SHOC2: variants seen among roughly 807,000 people sequenced by gnomAD.
SHOC2 encodes the protein SHOC2 leucine rich repeat scaffold protein.
In SHOC2, 4 loss-of-function variants were observed where a neutral mutation model predicts 50.2. The ratio of observed to expected loss-of-function variants is 0.08; its 90% confidence interval spans 0.04 to 0.18. SHOC2 has a LOEUF of 0.18. SHOC2 is among the 10% of genes least tolerant of loss of function. The pLI is 1.00. For synonymous variants in SHOC2, 218 were observed against 244.5 expected, an observed-to-expected ratio of 0.89 and a Z score of 1.01; for missense variants, 388 against 669.6, an observed-to-expected ratio of 0.58 and a Z score of 4.64.
At chr10:110,937,835 T>G (rs1402660266) in intron 1 of SHOC2, among the ~76,000 whole-genome samples, 1 of 152,218 alleles carries the variant, frequency 6.6e-6, no homozygotes, top group East Asian at 1.9e-4. Flanking sequence ...TAAAAAACAT[T>G]AAGAATGAAA....
chr10:110,924,123 A>C (rs184936675), intron 1 of SHOC2, among the ~76,000 whole-genome samples: 46 of 152,268 alleles, frequency 3.0e-4, no homozygotes, highest in Admixed American at 2.2e-3. Context: ...TTGTTCTATA[A>C]ATATTTCTTA....
intron 1 of SHOC2, among the ~76,000 whole-genome samples, chr10:110,957,532 A>T (rs1220774057): frequency 7.8e-6 from 1 of 128,532 alleles, no homozygotes; most frequent in Non-Finnish European, 1.7e-5. Flanking sequence ...TCATGAAGAT[A>T]CCCCCCCCCC....
At chr10:110,991,252 C>T (rs1159655322) in intron 3 of SHOC2, among the ~76,000 whole-genome samples, 2 of 152,150 alleles carry the variant, frequency 1.3e-5, no homozygotes, top group Admixed American at 6.5e-5. Context: ...ATGATACAGT[C>T]TTCTAGTAAG....
chr10:110,960,359 G>A (rs1847548509), intron 1 of SHOC2, among the ~76,000 whole-genome samples: 2 of 152,178 alleles, frequency 1.3e-5, no homozygotes, highest in Admixed American at 1.3e-4. Context: ...TGACTTAGAA[G>A]CCATTAGAAG....
intron 1 of SHOC2, among the ~76,000 whole-genome samples, chr10:110,929,739 C>G (rs1390138965): frequency 6.6e-6 from 1 of 152,204 alleles, no homozygotes; most frequent in Non-Finnish European, 1.5e-5. Flanking sequence ...GTGACCTCAT[C>G]TAAACCTAAG....
rs777420751 is a variant in SHOC2, at chr10:110,964,846, A to T, written c.488A>T (p.Asp163Val). 1 of 1,613,932 alleles carries T rather than the reference A, an allele frequency of 6.2e-7. No individual in the cohort carries two copies. Among genetic ancestry groups the T allele is most frequent in the Non-Finnish European group, 8.5e-7 (1 of 1,179,934 alleles). Reference protein sequence around the residue: ...LSENSLTSLPDSLDNLKKLRM... With the variant: ...LSENSLTSLPVSLDNLKKLRM... Reference sequence around the variant, plus strand: ...GAAAATTCACTTACCAGTTTGCCTGACTCTCTTGATAACTTGAAGAAGCTG... The same window carrying T: ...GAAAATTCACTTACCAGTTTGCCTGTCTCTCTTGATAACTTGAAGAAGCTG... Residue 163 changes from aspartate (D) to valine (V), a missense_variant, in exon 2 of 9, where the codon GAC (aspartate) becomes GTC (valine). Transcript: ENST00000369452. The surrounding 1 kb of genome is among the most constrained non-coding windows in gnomAD (Gnocchi z 4.9).
chr10:110,975,695 A>T (rs1847865052), intron 2 of SHOC2, among the ~76,000 whole-genome samples: 1 of 152,170 alleles, frequency 6.6e-6, no homozygotes, highest in Non-Finnish European at 1.5e-5. Flanking sequence ...ATATCAATTC[A>T]TATTGATAAG....
rs776451527 is a variant in SHOC2, at chr10:111,009,272, C to G, written c.1309C>G (p.Leu437Val). ...LEVLILSNNLLKKLPHGLGNL... is the reference protein window; with the variant it reads ...LEVLILSNNLVKKLPHGLGNL... ...GGTTCTTATCTTATCAAACAATCTT[C>G]TAAAGAAGCTTCCCCATGGTCTTGG... The change falls in exon 7 of 9, where the codon CTA becomes GTA. Residue 437 changes from leucine to valine, a missense_variant. Leu to Val is a conservative substitution (Grantham distance 32). This residue lies in a region of SHOC2 where 130 missense variants were observed against 208.6 expected (regional missense o/e 0.62). Transcript: ENST00000369452. The G allele has an allele frequency of 5.1e-6, 8 of 1,580,202 alleles. No homozygotes were observed. The East Asian group carries it at 1.8e-4, about 35-fold the overall frequency.
intron 3 of SHOC2, among the ~76,000 whole-genome samples, chr10:110,989,780 AG>A (rs1487319667): frequency 1.3e-5 from 2 of 152,158 alleles, no homozygotes; most frequent in Non-Finnish European, 2.9e-5. Context: ...TTCAACATAT[AG>A]GTTTAAGTTT....
chr10:110,928,514 G>A (rs997339695), intron 1 of SHOC2, among the ~76,000 whole-genome samples: 1 of 152,134 alleles, frequency 6.6e-6, no homozygotes, highest in African/African-American at 2.4e-5. Flanking sequence ...AGTTGAGCCT[G>A]CACTAGTTGT....
chr10:110,950,847 A>G (rs1335978759), intron 1 of SHOC2, among the ~76,000 whole-genome samples: 3 of 152,184 alleles, frequency 2.0e-5, no homozygotes, highest in African/African-American at 7.2e-5. Context: ...TTCCTGTACT[A>G]TATATAAAAA....
intron 1 of SHOC2, among the ~76,000 whole-genome samples, chr10:110,947,862 A>AATGT: frequency 6.6e-6 from 1 of 152,160 alleles, no homozygotes; most frequent in East Asian, 1.9e-4. Context: ...ACAAAATGAC[A>AATGT]ATGTTAAGAC....
intron 3 of SHOC2, among the ~76,000 whole-genome samples, chr10:110,997,532 T>C (rs7090632): frequency 0.18 from 24,023 of 136,592 alleles, 2,256 homozygotes; most frequent in African/African-American, 0.31. Context: ...ATCATGCTTT[T>C]TCCCCCCCAA....
intron 2 of SHOC2, among the ~76,000 whole-genome samples, chr10:110,977,087 G>T (rs1847891588): frequency 6.6e-6 from 1 of 152,034 alleles, no homozygotes; most frequent in Non-Finnish European, 1.5e-5. Flanking sequence ...ATTCCATTGG[G>T]TGTCATTTTT....
intron 5 of SHOC2, among the ~76,000 whole-genome samples, chr10:111,005,454 C>G (rs148736308): frequency 3.7e-4 from 57 of 152,250 alleles, no homozygotes; most frequent in African/African-American, 1.3e-3. Context: ...TAAAAGAACA[C>G]TACGTACTAG....
chr10:110,965,887 A>G (rs1176436496), intron 2 of SHOC2, among the ~76,000 whole-genome samples: 1 of 152,144 alleles, frequency 6.6e-6, no homozygotes, highest in Non-Finnish European at 1.5e-5. Flanking sequence ...TGAAAAATTG[A>G]TAAAGGTATT....
intron 1 of SHOC2, among the ~76,000 whole-genome samples, chr10:110,929,711 T>A (rs1252246096): frequency 6.6e-6 from 1 of 152,182 alleles, no homozygotes; most frequent in African/African-American, 2.4e-5. Flanking sequence ...TTAATCCCAT[T>A]ATGAAAACCC....
At chr10:110,949,663 C>T (rs370931232) in intron 1 of SHOC2, among the ~76,000 whole-genome samples, 3 of 152,036 alleles carry the variant, frequency 2.0e-5, no homozygotes, top group African/African-American at 7.2e-5. Flanking sequence ...CTCTGATTAA[C>T]GTAGACGCAG....
intron 5 of SHOC2, among the ~76,000 whole-genome samples, chr10:111,004,997 A>T (rs1848442528): frequency 6.6e-6 from 1 of 152,232 alleles, no homozygotes; most frequent in African/African-American, 2.4e-5. Flanking sequence ...TGTCCTAAAG[A>T]AATCATTGTC....
Sources: gnomAD v4.1 joint callset for allele counts (sites outside exome capture counted in the v4.1 genomes callset) on GRCh38, gnomAD v4.1.1 for gene constraint, gnomAD v4.1.1 regional missense constraint, Gnocchi (gnomAD v3.1) non-coding constraint, MANE v1.5 for transcripts, NCBI Gene and HGNC (gene_info 2026-07-23, HGNC 2026-07-21) for gene names.